PGBD5: variants seen among roughly 807,000 people sequenced by gnomAD.
The protein encoded by PGBD5 is piggyBac transposable element-derived protein 5.
A neutral mutation model predicts 47.9 loss-of-function variants in PGBD5; 14 were observed. That is an observed-to-expected ratio of 0.29 (90% confidence interval 0.19 to 0.46). The LOEUF (loss-of-function observed/expected upper bound fraction) is 0.46. PGBD5 is among the 20% of genes least tolerant of loss of function. The pLI is 1.00. For synonymous variants in PGBD5, 316 were observed against 306.3 expected (o/e 1.03, Z -0.33); for missense variants, 635 against 716.0 (o/e 0.89, Z 1.29).
chr1:230,365,985 G>A (rs909331016), intron 1 of PGBD5, among the ~76,000 whole-genome samples: 14 of 152,374 alleles, frequency 9.2e-5, no homozygotes, highest in African/African-American at 3.1e-4. Flanking sequence ...GCCTAGCACA[G>A]GGATGACAGC....
rs556339142 is a variant in PGBD5, at chr1:230,406,663, T to C, written c.331+18935A>G. The stretch of plus-strand genomic sequence containing the variant: ...ATATATTAGCTTTCATAATACTAAA[T>C]AGCCCTTAAGAACTTAGTGTAATTT... On this transcript the variant is annotated intron_variant, in intron 1 of 6. Coordinates refer to ENST00000391860, the MANE Select transcript of PGBD5 (RefSeq NM_001258311.2). Among the ~76,000 whole-genome samples the C allele has an allele frequency of 1.8e-4, 28 of 152,344 alleles. 1 individual carries two copies. The South Asian group carries it at 5.2e-3, about 28-fold the overall frequency.
intron 2 of PGBD5, 89 bp downstream of exon 2, chr1:230,356,805 A>G (rs1571837776): frequency 7.1e-7 from 1 of 1,405,306 alleles, no homozygotes; most frequent in Non-Finnish European, 9.7e-7. Context: ...CAGGGCAGGA[A>G]GGACACCCCA....
chr1:230,393,923 G>A (rs1571855726), intron 1 of PGBD5, among the ~76,000 whole-genome samples: 3 of 150,162 alleles, frequency 2.0e-5, no homozygotes, highest in Non-Finnish European at 3.0e-5. Context: ...CTGGCTCCCC[G>A]CCCTAGAGTC....
chr1:230,425,619 G>A lies in PGBD5; in HGVS notation c.310C>T (p.Pro104Ser). 1 of 1,220,038 alleles carries A rather than the reference G, an allele frequency of 8.2e-7. No individual in the cohort carries two copies. Among genetic ancestry groups the A allele is most frequent in the Non-Finnish European group, 1.0e-6 (1 of 980,490 alleles). The allele number at this position is 1,220,038 out of a possible 1,614,324, so 75.6% of individuals were successfully genotyped here. The change falls in exon 1 of 7, where the codon CCG (proline) becomes TCG (serine). Residue 104 changes from proline to serine, a missense_variant. Pro to Ser is a moderately conservative substitution (Grantham distance 74, BLOSUM62 -1). Coordinates refer to ENST00000391860, the MANE Select transcript of PGBD5 (RefSeq NM_001258311.2). The surrounding 1 kb of genome is among the most constrained non-coding windows in gnomAD (Gnocchi z 4.7). Reference sequence around the variant, plus strand: ...TTACCGCCGGTATCCTCGAAGCGCGGGGGCGGGCGGTCCCGCAGCGCTGCG... The same window carrying A: ...TTACCGCCGGTATCCTCGAAGCGCGAGGGCGGGCGGTCCCGCAGCGCTGCG... ...WSAALRDRPPPRFEDTGGPTR... is the reference protein window; with the variant it reads ...WSAALRDRPPSRFEDTGGPTR...
intron 1 of PGBD5, among the ~76,000 whole-genome samples, chr1:230,421,373 G>C (rs567044289): frequency 6.6e-6 from 1 of 152,000 alleles, no homozygotes; most frequent in South Asian, 2.1e-4. Context: ...ACTGAAAAAG[G>C]TTCTAGTAAA....
Position 230,323,358 on chromosome 1 carries a change from C to T in PGBD5, c.*67G>A. ...AGGCCGTGTCCGGGTCTCTGATGGG[C>T]AAGTTGGAACGGCAGGCTCTCCTCC... On this transcript the variant is annotated 3_prime_UTR_variant, in exon 7 of 7. Transcript: ENST00000391860. The surrounding 1 kb of genome is among the most constrained non-coding windows in gnomAD (Gnocchi z 4.1). The T allele has an allele frequency of 6.5e-7, 1 of 1,549,702 alleles. No homozygotes were observed. The highest frequency in any genetic ancestry group is 8.7e-7 in the Non-Finnish European group (1 of 1,149,060).
rs1656550323 is a variant in PGBD5 at position 230,383,018 on chromosome 1, T to C, written c.332-25697A>G. ...TGGTTCTCTGCCATCTCGCTATTTA[T>C]TTTCCCTGCCATCTCGCTGTCTCTG... is the stretch of plus-strand genomic sequence containing the variant. On this transcript the variant is annotated intron_variant, in intron 1 of 6. Transcript: ENST00000391860. Among the ~76,000 whole-genome samples, 3 of 152,192 alleles carry C rather than the reference T, an allele frequency of 2.0e-5. No homozygotes were observed. In the South Asian group the frequency reaches 6.2e-4, roughly 32 times the overall value.
intron 4 of PGBD5, among the ~76,000 whole-genome samples, chr1:230,335,920 GAC>G (rs1235690486): frequency 1.3e-5 from 2 of 148,222 alleles, no homozygotes; most frequent in East Asian, 2.1e-4. Flanking sequence ...CAAAGACACA[GAC>G]ACAGACACAC....
chr1:230,394,919 CT>C, intron 1 of PGBD5, among the ~76,000 whole-genome samples: 1 of 133,346 alleles, frequency 7.5e-6, no homozygotes. Context: ...TCTCTCACTC[CT>C]ACCCTCCTCT....
intron 2 of PGBD5, among the ~76,000 whole-genome samples, chr1:230,353,149 C>T (rs1667584410): frequency 6.6e-6 from 1 of 152,112 alleles, no homozygotes; most frequent in African/African-American, 2.4e-5. Context: ...CAGCATGCTC[C>T]CCAAAGCTCC....
intron 1 of PGBD5, among the ~76,000 whole-genome samples, chr1:230,419,946 C>T (rs186180936): frequency 2.6e-5 from 4 of 152,018 alleles, no homozygotes; most frequent in African/African-American, 9.6e-5. Context: ...GACAACATGG[C>T]GAAACCCCAT....
At chr1:230,397,131 G>A (rs948893165) in intron 1 of PGBD5, among the ~76,000 whole-genome samples, 45 of 152,224 alleles carry the variant, frequency 3.0e-4, no homozygotes, top group African/African-American at 1.1e-3. Context: ...GCCTCCCATT[G>A]CCCACCCGCA....
At chr1:230,397,740 G>A (rs983862157) in intron 1 of PGBD5, among the ~76,000 whole-genome samples, 9 of 152,310 alleles carry the variant, frequency 5.9e-5, no homozygotes, top group East Asian at 1.9e-4. Context: ...AACACACAGC[G>A]AAGTCAGACC....
rs1666912976 is a variant in PGBD5 at position 230,314,903 on chromosome 1, CTTCT to C, written c.*8518_*8521del. 1 of 152,098 alleles carries C rather than the reference CTTCT, an allele frequency of 6.6e-6. No homozygotes were observed. The highest frequency in any genetic ancestry group is 1.5e-5 in the Non-Finnish European group (1 of 68,016). 9.4% of individuals were successfully genotyped at this position (152,098 alleles called of 1,614,324 possible). ...TCACAATGAATAGCAGTCTTTCCAG[CTTCT>C]TTGACACGGATTTCCTCATCATCAA... On this transcript the variant is annotated 3_prime_UTR_variant, in exon 7 of 7. Coordinates refer to ENST00000391860, the MANE Select transcript of PGBD5 (RefSeq NM_001258311.2).
intron 1 of PGBD5, among the ~76,000 whole-genome samples, chr1:230,420,501 G>A (rs1657623168): frequency 6.6e-6 from 1 of 152,124 alleles, no homozygotes; most frequent in Non-Finnish European, 1.5e-5. Flanking sequence ...ATGTGTCAAG[G>A]GCGGGGCCAG....
In PGBD5 at chr1:230,332,988, G is replaced by A; in HGVS notation, c.1129C>T (p.Pro377Ser). ...RARKSDCTGL[P>S]LSMLTNPATP... ...GCTGGGTTGGTCAGCATGGACAGTG[G>A]GAGGCCGGTGCAGTCACTCTTCCGC... Residue 377 changes from proline (P) to serine (S), a missense_variant, in exon 5 of 7, where the codon CCA (proline) becomes TCA (serine). Transcript: ENST00000391860. 2 of 1,613,396 alleles carry A rather than the reference G, an allele frequency of 1.2e-6. No homozygotes were observed. The highest frequency in any genetic ancestry group is 1.7e-6 in the Non-Finnish European group (2 of 1,179,660).
At chr1:230,338,938 C>A (rs1006435847) in intron 3 of PGBD5, among the ~76,000 whole-genome samples, 1 of 152,168 alleles carries the variant, frequency 6.6e-6, no homozygotes, top group Non-Finnish European at 1.5e-5. Context: ...GTAGGTTGGG[C>A]CCATGCGAGA....
Position 230,357,185 on chromosome 1 carries a change from G to C in PGBD5, c.468C>G (p.Asp156Glu), listed in dbSNP as rs114204934. The change falls in exon 2 of 7, where the codon GAC becomes GAG. Residue 156 changes from aspartate (D) to glutamate (E), a missense_variant. Transcript: ENST00000391860. This position sits in a 1 kb window ranked among gnomAD's most constrained non-coding sequence, Gnocchi z 5.7. ...TCAGCGTCACCTCCACCCAGGCTCC[G>C]TCGCTCCCAAACCGCTCCTGGAACT... ...AKKFQERFGS[D>E]GAWVEVTLTE... 1.2e-6 allele frequency: 2 copies of C among 1,613,940 alleles called. No individual in the cohort carries two copies. The highest frequency in any genetic ancestry group is 1.7e-5 in the Admixed American group (1 of 59,996).
intron 5 of PGBD5, among the ~76,000 whole-genome samples, chr1:230,329,029 C>G (rs1247061502): frequency 6.6e-6 from 1 of 151,858 alleles, no homozygotes; most frequent in Non-Finnish European, 1.5e-5. Context: ...ACCTCCTGGG[C>G]TCAAGTGATC....
Sources: allele counts gnomAD v4.1 joint callset (sites outside exome capture counted in the v4.1 genomes callset), GRCh38; gene constraint gnomAD v4.1.1; non-coding constraint Gnocchi (gnomAD v3.1); transcripts MANE v1.5; gene names NCBI Gene and HGNC (gene_info 2026-07-23, HGNC 2026-07-21).